The following ZFHX3 variants were observed in gnomAD, a reference collection of about 807,000 sequenced individuals.
ZFHX3 encodes zinc finger homeobox protein 3.
In ZFHX3, 42 loss-of-function variants were observed where a neutral mutation model predicts 279.1. The ratio of observed to expected loss-of-function variants is 0.15; its 90% confidence interval spans 0.12 to 0.19. ZFHX3 has a LOEUF of 0.19. Among genes scored for constraint, ZFHX3 ranks in the 10% least tolerant of loss-of-function variants. ZFHX3 has a pLI of 1.00. For missense variants in ZFHX3, 4,981 were observed against 4,754.0 expected, an observed-to-expected ratio of 1.05 and a Z score of -1.40; for synonymous variants, 2,293 against 1,957.8, an observed-to-expected ratio of 1.17 and a Z score of -4.52.
At chr16:73,227,870 A>AAAAAAAAAAAAAC (rs2012651803) in intron 5 of ZFHX3, among the ~76,000 whole-genome samples, 1 of 151,444 alleles carries the variant, frequency 6.6e-6, no homozygotes, top group African/African-American at 2.4e-5. Flanking sequence ...AAAAAAAAAA[A>AAAAAAAAAAAAAC]AAAGACATCG....
intron 2 of ZFHX3, among the ~76,000 whole-genome samples, chr16:73,513,526 G>A (rs2019468705): frequency 6.6e-6 from 1 of 152,184 alleles, no homozygotes; most frequent in African/African-American, 2.4e-5. Flanking sequence ...ATATGTTGAT[G>A]TGAACTATAC....
chr16:73,632,172 G>A (rs2052479694), intron 2 of ZFHX3, among the ~76,000 whole-genome samples: 1 of 152,128 alleles, frequency 6.6e-6, no homozygotes, highest in Non-Finnish European at 1.5e-5. Context: ...TAATATACAT[G>A]TGTTGAGCAA....
At chr16:73,681,485 G>C (rs1052661310) in intron 1 of ZFHX3, among the ~76,000 whole-genome samples, 2 of 152,134 alleles carry the variant, frequency 1.3e-5, no homozygotes, top group African/African-American at 4.8e-5. Flanking sequence ...TCCAAAATGG[G>C]GAGAAAGCCG....
Position 73,247,612 on chromosome 16 carries a change from A to G in ZFHX3, c.-1104+9435T>C, listed in dbSNP as rs1220762425. ...GTATATGATGTGTCTGTGTATATGT[A>G]CCTGTATGTGGAGTGTGTGTGTTCA... is the stretch of plus-strand genomic sequence containing the variant. On this transcript the variant is annotated intron_variant, in intron 5 of 17. Transcript: ENST00000641206. Among the ~76,000 whole-genome samples the G allele has an allele frequency of 5.7e-3, 792 of 138,348 alleles. 2 individuals are homozygous for G. Among genetic ancestry groups the G allele is most frequent in the Non-Finnish European group, 8.5e-3 (549 of 64,426 alleles). 90.8% of individuals were successfully genotyped at this position (138,348 alleles called of 152,430 possible). A position where few individuals can be genotyped will look rare whatever the true frequency, so the allele number is the denominator to read the frequency against.
intron 5 of ZFHX3, among the ~76,000 whole-genome samples, chr16:73,197,755 A>G (rs1567416080): frequency 6.6e-6 from 1 of 152,070 alleles, no homozygotes; most frequent in South Asian, 2.1e-4. Flanking sequence ...CTTGACATAG[A>G]CTAAGTGGGC....
intron 2 of ZFHX3, among the ~76,000 whole-genome samples, chr16:73,469,629 T>C (rs8059177): frequency 6.7e-6 from 1 of 148,802 alleles, no homozygotes; most frequent in East Asian, 1.9e-4. Flanking sequence ...ATATATATAT[T>C]TTTTTTGAGA....
intron 1 of ZFHX3, among the ~76,000 whole-genome samples, chr16:72,990,136 A>T (rs1345742962): frequency 2.0e-5 from 3 of 152,148 alleles, no homozygotes; most frequent in Non-Finnish European, 4.4e-5. Flanking sequence ...GCCAGTCAAA[A>T]GAGGGACACG....
At chr16:73,574,948 G>A (rs894124123) in intron 2 of ZFHX3, among the ~76,000 whole-genome samples, 2 of 152,126 alleles carry the variant, frequency 1.3e-5, no homozygotes, top group Admixed American at 1.3e-4. Context: ...GTTCTACTCA[G>A]CACTCTCCTT....
intron 1 of ZFHX3, among the ~76,000 whole-genome samples, chr16:72,987,335 A>G (rs1299878774): frequency 1.3e-5 from 2 of 152,174 alleles, no homozygotes; most frequent in Non-Finnish European, 2.9e-5. Context: ...AAGGGACACC[A>G]CTTTGAGAGC....
chr16:72,798,861 C>G (rs1250237238), intron 8 of ZFHX3, 147 bp from the exon 9 acceptor site: 6 of 1,373,840 alleles, frequency 4.4e-6, no homozygotes, highest in Non-Finnish European at 5.7e-6. Context: ...AGAATCTCTG[C>G]GGAGCGCCTC....
At chr16:73,200,457 C>G (rs987098497) in intron 5 of ZFHX3, among the ~76,000 whole-genome samples, 2 of 152,092 alleles carry the variant, frequency 1.3e-5, no homozygotes, top group Non-Finnish European at 2.9e-5. Flanking sequence ...AAAATGATAT[C>G]TTTTCAACCA....
intron 5 of ZFHX3, among the ~76,000 whole-genome samples, chr16:73,201,842 C>T (rs534936639): frequency 6.6e-6 from 1 of 152,302 alleles, no homozygotes; most frequent in East Asian, 1.9e-4. Context: ...GAGCTAGAAG[C>T]ACAGTAGGCA....
chr16:73,615,826 A>C (rs35491399), intron 2 of ZFHX3, among the ~76,000 whole-genome samples: 4 of 152,178 alleles, frequency 2.6e-5, no homozygotes, highest in Non-Finnish European at 5.9e-5. Flanking sequence ...AATAAAAGAC[A>C]CAGCGGAACA....
intron 5 of ZFHX3, among the ~76,000 whole-genome samples, chr16:73,253,597 G>C (rs898122624): frequency 6.8e-6 from 1 of 146,764 alleles, no homozygotes; most frequent in African/African-American, 2.6e-5. Flanking sequence ...GACTACAGGC[G>C]CCTGCCACCA....
chr16:73,842,424 G>A (rs962532107), intron 1 of ZFHX3, among the ~76,000 whole-genome samples: 1 of 152,038 alleles, frequency 6.6e-6, no homozygotes, highest in Non-Finnish European at 1.5e-5. Context: ...TCAATCTGCT[G>A]ACTTAGACAG....
intron 4 of ZFHX3, among the ~76,000 whole-genome samples, chr16:73,317,497 G>A (rs545453306): frequency 9.9e-5 from 15 of 152,220 alleles, no homozygotes; most frequent in African/African-American, 3.4e-4. Context: ...TGGGTAAATC[G>A]TATTTAATCA....
rs532515753 is a variant in ZFHX3, at chr16:73,308,136, A to G, written c.-1194+10104T>C. ...AAAATACTTGTCGGAGAGATAAGTA[A>G]TAAAAAATCTAGCACATATTTTGAG... is the stretch of plus-strand genomic sequence containing the variant. On this transcript the variant is annotated intron_variant, in intron 4 of 17. Coordinates refer to the ZFHX3 transcript ENST00000641206. 4.0e-5 allele frequency among the ~76,000 whole-genome samples: 6 copies of G among 151,570 alleles called. No homozygotes were observed. In the South Asian group the frequency reaches 6.3e-4, roughly 16 times the overall value.
chr16:72,892,754 C>T (rs1360823715), intron 3 of ZFHX3, among the ~76,000 whole-genome samples: 2 of 152,148 alleles, frequency 1.3e-5, no homozygotes, highest in African/African-American at 2.4e-5. Flanking sequence ...GCGATCCACC[C>T]GCCTCAGTCT....
intron 1 of ZFHX3, among the ~76,000 whole-genome samples, chr16:73,693,742 T>A (rs2053170238): frequency 6.6e-6 from 1 of 152,160 alleles, no homozygotes; most frequent in Admixed American, 6.5e-5. Flanking sequence ...TCAATTACAT[T>A]ACACAAAATA....
Sources: allele counts gnomAD v4.1 joint callset (sites outside exome capture counted in the v4.1 genomes callset), GRCh38; gene constraint gnomAD v4.1.1; transcripts MANE v1.5; gene names NCBI Gene and HGNC (gene_info 2026-07-23, HGNC 2026-07-21).